LINGO2: variants seen among roughly 807,000 people sequenced by gnomAD.
The protein encoded by LINGO2 is leucine-rich repeat and immunoglobulin-like domain-containing nogo receptor-interacting protein 2.
Under a neutral mutation model 30.6 loss-of-function variants are expected in LINGO2, and 14 were observed. The ratio of observed to expected loss-of-function variants is 0.46; its 90% CI spans 0.30 to 0.72. The LOEUF is 0.72. LINGO2 is among the 30% of genes least tolerant of loss of function. The pLI is 0.07. For synonymous variants in LINGO2, 317 were observed against 288.5 expected, an observed-to-expected ratio of 1.10 and a Z score of -1.00; for missense variants, 729 against 751.7, an observed-to-expected ratio of 0.97 and a Z score of 0.35.
chr9:28,811,500 C>T, the LINGO2 span, among the ~76,000 whole-genome samples: 28 of 152,072 alleles, frequency 1.8e-4, no homozygotes, highest in Admixed American at 1.4e-3. Context: ...ACCTCTAATC[C>T]TGAGTTTTAA....
At chr9:28,412,989 C>T (rs760368640) in intron 2 of LINGO2, among the ~76,000 whole-genome samples, 37 of 152,036 alleles carry the variant, frequency 2.4e-4, no homozygotes, top group Non-Finnish European at 4.6e-4. Flanking sequence ...TGATTCAATT[C>T]TACTTAATGA....
At chr9:28,353,356 A>T (rs1440431017) in intron 3 of LINGO2, among the ~76,000 whole-genome samples, 7 of 150,488 alleles carry the variant, frequency 4.7e-5, no homozygotes, top group Non-Finnish European at 1.0e-4. Flanking sequence ...ATGAACAGAC[A>T]CTTCTCAAAA....
intron 1 of LINGO2, among the ~76,000 whole-genome samples, chr9:28,481,860 G>A (rs1170561833): frequency 1.3e-5 from 2 of 151,278 alleles, no homozygotes; most frequent in South Asian, 2.1e-4. Flanking sequence ...ACCTATGAGT[G>A]AGAATATGCG....
At chr9:28,984,312 C>A in the LINGO2 span, among the ~76,000 whole-genome samples, 1 of 152,086 alleles carries the variant, frequency 6.6e-6, no homozygotes, top group East Asian at 1.9e-4. Context: ...ACATAAAAGA[C>A]TTCCCATAGT....
chr9:28,991,589 G>GA, the LINGO2 span, among the ~76,000 whole-genome samples: 1 of 143,064 alleles, frequency 7.0e-6, no homozygotes, highest in Non-Finnish European at 1.5e-5. Flanking sequence ...TGAAATGAAG[G>GA]AAAAAATGTT....
At position 28,449,009 on chromosome 9, in the gene LINGO2, CATTCTGCCTATGT is replaced by C. The variant is rs1824538481; in HGVS notation, c.-279+26918_-279+26930del. 2.0e-5 allele frequency among the ~76,000 whole-genome samples: 3 copies of C among 149,544 alleles called. No homozygotes were observed. The South Asian group carries it at 6.3e-4, about 32-fold the overall frequency. On this transcript the variant is annotated intron_variant, in intron 2 of 5. Transcript: ENST00000379992. Reference sequence around the variant, plus strand: ...CTTGATTCTGTTGGCAACGACAATCCATTCTGCCTATGTATTCACATTCGTGTGTGTGTGTGTG... The same window carrying C: ...CTTGATTCTGTTGGCAACGACAATCCATTCACATTCGTGTGTGTGTGTGTG...
the LINGO2 span, among the ~76,000 whole-genome samples, chr9:28,908,349 G>A: frequency 2.5e-4 from 38 of 151,774 alleles, 1 homozygote; most frequent in African/African-American, 9.2e-4. Flanking sequence ...TTATTGTAGT[G>A]GAAATAAGTT....
At chr9:28,799,264 C>A in the LINGO2 span, among the ~76,000 whole-genome samples, 1 of 152,006 alleles carries the variant, frequency 6.6e-6, no homozygotes, top group Admixed American at 6.6e-5. Context: ...CTGCAGACTG[C>A]AACAAGGAGA....
intron 2 of LINGO2, among the ~76,000 whole-genome samples, chr9:28,436,604 C>A (rs1345746059): frequency 2.0e-5 from 3 of 151,976 alleles, no homozygotes; most frequent in African/African-American, 7.3e-5. Context: ...ACTACAGGTG[C>A]CCGCCACCAC....
At chr9:28,557,116 G>C (rs938045668) in intron 1 of LINGO2, among the ~76,000 whole-genome samples, 9 of 152,048 alleles carry the variant, frequency 5.9e-5, no homozygotes, top group Non-Finnish European at 1.2e-4. Context: ...AACACCAAAA[G>C]CAATGGCAAC....
intron 3 of LINGO2, among the ~76,000 whole-genome samples, chr9:28,357,238 C>A (rs56252825): frequency 2.6e-5 from 4 of 151,638 alleles, no homozygotes; most frequent in African/African-American, 9.7e-5. Flanking sequence ...AATTAACCAT[C>A]TGCCAAATGG....
chr9:29,116,185 A>AT, the LINGO2 span, among the ~76,000 whole-genome samples: 36,506 of 151,858 alleles, frequency 0.24, 4,528 homozygotes, highest in East Asian at 0.41. Context: ...TACAAAACAT[A>AT]TTTAACAATT....
intron 2 of LINGO2, among the ~76,000 whole-genome samples, chr9:28,412,867 G>C (rs979031900): frequency 1.3e-5 from 2 of 151,838 alleles, no homozygotes; most frequent in African/African-American, 4.8e-5. Context: ...TGCAGATTTT[G>C]TTCCACCTCC....
intron 3 of LINGO2, among the ~76,000 whole-genome samples, chr9:28,347,942 A>G (rs908616789): frequency 3.9e-5 from 6 of 152,196 alleles, no homozygotes; most frequent in African/African-American, 1.2e-4. Flanking sequence ...ATTATCATTT[A>G]TAGAAATATC....
rs973600306 is a variant in LINGO2, at chr9:28,329,273, C to A, written c.-245-33907G>T. On this transcript the variant is annotated intron_variant, in intron 3 of 5. Transcript: ENST00000379992. The surrounding 1 kb of genome is among the most constrained non-coding windows in gnomAD (Gnocchi z 4.5). ...GTGGGAAGAATGGTTCTCTCCATTT[C>A]TAGTCATAATTCTGTCCCATGGCAC... 5.9e-5 allele frequency among the ~76,000 whole-genome samples: 9 copies of A among 152,176 alleles called. No homozygotes were observed. Among genetic ancestry groups the A allele is most frequent in the Admixed American group, 5.9e-4 (9 of 15,288 alleles).
the LINGO2 span, among the ~76,000 whole-genome samples, chr9:29,017,570 G>C: frequency 6.6e-6 from 1 of 151,778 alleles, no homozygotes. Context: ...GAGGGAACAA[G>C]GTGGCTAGTA....
chr9:28,441,121 G>A (rs1291358127), intron 2 of LINGO2, among the ~76,000 whole-genome samples: 5 of 152,012 alleles, frequency 3.3e-5, no homozygotes, highest in Non-Finnish European at 7.4e-5. Flanking sequence ...TCCTGGGACA[G>A]TGCAGCACAA....
chr9:29,123,050 C>G, the LINGO2 span, among the ~76,000 whole-genome samples: 11,412 of 152,116 alleles, frequency 0.075, 619 homozygotes, highest in East Asian at 0.26. Flanking sequence ...TGCTGCTTCT[C>G]CATAAGCCAC....
intron 1 of LINGO2, among the ~76,000 whole-genome samples, chr9:28,490,384 A>T (rs1292085539): frequency 6.6e-6 from 1 of 152,204 alleles, no homozygotes; most frequent in Non-Finnish European, 1.5e-5. Flanking sequence ...TCCTATCTCT[A>T]ACCCAAAGAA....
Sources: allele counts gnomAD v4.1 joint callset (sites outside exome capture counted in the v4.1 genomes callset), GRCh38; gene constraint gnomAD v4.1.1; non-coding constraint Gnocchi (gnomAD v3.1); transcripts MANE v1.5; gene names NCBI Gene and HGNC (gene_info 2026-07-23, HGNC 2026-07-21).